The following GRIN2A variants were observed in gnomAD, a reference collection of about 807,000 sequenced individuals.
The protein encoded by GRIN2A is glutamate receptor ionotropic, NMDA 2A.
In GRIN2A, 22 loss-of-function variants were observed where a neutral mutation model predicts 113.4. The ratio of observed to expected loss-of-function variants is 0.19; its 90% CI spans 0.14 to 0.28. The LOEUF is 0.28. Ranked by LOEUF, GRIN2A falls within the 10% of genes least tolerant of loss-of-function variation. The pLI, the probability that GRIN2A is intolerant of heterozygous loss-of-function variation, is 1.00. For synonymous variants in GRIN2A, 827 were observed against 738.4 expected (o/e 1.12, Z -1.94); for missense variants, 1,502 against 1,887.0 (o/e 0.80, Z 3.78).
chr16:9,796,941 A>T (rs1482352717), intron 11 of GRIN2A, among the ~76,000 whole-genome samples: 2 of 152,252 alleles, frequency 1.3e-5, no homozygotes, highest in Admixed American at 1.3e-4. Flanking sequence ...CCCTATGGAG[A>T]ATTCAAAGAC....
At chr16:9,796,278 ATGT>A (rs1902976955) in intron 11 of GRIN2A, among the ~76,000 whole-genome samples, 1 of 152,192 alleles carries the variant, frequency 6.6e-6, no homozygotes, top group Non-Finnish European at 1.5e-5. Flanking sequence ...TCATCCATAC[ATGT>A]ATTTATTCAT....
At chr16:10,014,261 C>T (rs1292544583) in intron 2 of GRIN2A, among the ~76,000 whole-genome samples, 1 of 152,202 alleles carries the variant, frequency 6.6e-6, no homozygotes, top group Non-Finnish European at 1.5e-5. Context: ...CTCAACCTGG[C>T]ACTTGTAGAA....
intron 2 of GRIN2A, among the ~76,000 whole-genome samples, chr16:9,972,982 C>G (rs1057086982): frequency 5.3e-5 from 8 of 152,152 alleles, no homozygotes; most frequent in African/African-American, 9.6e-5. Flanking sequence ...GATTGGCTGT[C>G]TGGAGATGAA....
chr16:10,133,546 G>A (rs911891613), intron 2 of GRIN2A, among the ~76,000 whole-genome samples: 1 of 152,190 alleles, frequency 6.6e-6, no homozygotes, highest in Non-Finnish European at 1.5e-5. Context: ...GGTGGAGGTT[G>A]CAGTGAGCCA....
At chr16:10,110,684 T>C (rs1271345606) in intron 2 of GRIN2A, among the ~76,000 whole-genome samples, 1 of 152,214 alleles carries the variant, frequency 6.6e-6, no homozygotes, top group East Asian at 1.9e-4. Flanking sequence ...TCTGGATAAG[T>C]GATCATAAAT....
intron 2 of GRIN2A, among the ~76,000 whole-genome samples, chr16:10,045,051 T>C (rs1274625844): frequency 6.6e-6 from 1 of 152,216 alleles, no homozygotes; most frequent in Non-Finnish European, 1.5e-5. Context: ...AACCTGTGCC[T>C]GTTCAAAATA....
At chr16:9,936,805 C>G (rs2044723245) in intron 3 of GRIN2A, among the ~76,000 whole-genome samples, 1 of 151,970 alleles carries the variant, frequency 6.6e-6, no homozygotes, top group Non-Finnish European at 1.5e-5. Context: ...AAACAGAGAC[C>G]AGGAGCACTA....
chr16:9,960,063 G>A (rs964981625), intron 2 of GRIN2A, among the ~76,000 whole-genome samples: 1 of 152,234 alleles, frequency 6.6e-6, no homozygotes, highest in Non-Finnish European at 1.5e-5. Flanking sequence ...CAGAGATGAT[G>A]TGGCTTCCAG....
chr16:9,943,619 A>T (rs1023208922), intron 2 of GRIN2A, among the ~76,000 whole-genome samples: 3 of 152,194 alleles, frequency 2.0e-5, no homozygotes, highest in Admixed American at 6.5e-5. Context: ...GAGATAACGC[A>T]AGTGGCATAA....
At position 9,755,158 on chromosome 16, in the gene GRIN2A, T is replaced by A. The variant is rs1358814261; in HGVS notation, c.*7991A>T. On this transcript the variant is annotated 3_prime_UTR_variant, in exon 13 of 13. Coordinates refer to ENST00000330684, the MANE Select transcript of GRIN2A (RefSeq NM_001134407.3). The stretch of plus-strand genomic sequence containing the variant: ...TAAGTAAGAGAATTATGAGTGATAA[T>A]CTCAGTTTTGTCTTCTTCGTTTCTG... 1 of 194,312 alleles carries A rather than the reference T, an allele frequency of 5.1e-6. No homozygotes were observed. Among genetic ancestry groups the A allele is most frequent in the Non-Finnish European group, 1.1e-5 (1 of 93,254 alleles). The allele number at this position is 194,312 out of a possible 1,614,324, so 12.0% of individuals were successfully genotyped here. A position where few individuals can be genotyped will look rare whatever the true frequency, so the allele number is the denominator to read the frequency against.
intron 2 of GRIN2A, among the ~76,000 whole-genome samples, chr16:10,165,184 T>G (rs1199493071): frequency 1.3e-5 from 2 of 152,086 alleles, no homozygotes; most frequent in Non-Finnish European, 2.9e-5. Context: ...TCATGAGATA[T>G]CCACAGAATA....
intron 2 of GRIN2A, among the ~76,000 whole-genome samples, chr16:9,957,460 A>G (rs1336341660): frequency 6.6e-6 from 1 of 152,208 alleles, no homozygotes; most frequent in African/African-American, 2.4e-5. Flanking sequence ...TACCTTTAAT[A>G]AACTTTTTTC....
At chr16:9,937,581 T>C (rs1596343789) in intron 3 of GRIN2A, 1 of 258,346 alleles carries the variant, frequency 3.9e-6, no homozygotes, top group South Asian at 4.6e-5. Context: ...GATACCATGA[T>C]ATCATAGTGA....
intron 2 of GRIN2A, among the ~76,000 whole-genome samples, chr16:10,067,593 C>T (rs1242939288): frequency 6.6e-6 from 1 of 152,102 alleles, no homozygotes; most frequent in African/African-American, 2.4e-5. Context: ...CCAGGGAGGA[C>T]TGCGTGAAGA....
chr16:9,760,169 T>C lies in GRIN2A; in HGVS notation c.*2980A>G, dbSNP rs905670138. On this transcript the variant is annotated 3_prime_UTR_variant, in exon 13 of 13. Coordinates refer to ENST00000330684, the MANE Select transcript of GRIN2A (RefSeq NM_001134407.3). The stretch of plus-strand genomic sequence containing the variant: ...AATCTAAGAACTCAGAGCTGGGATA[T>C]GTTACGGGAATCTTCTGTGATAGAT... 1 of 226,322 alleles carries C rather than the reference T, an allele frequency of 4.4e-6. No homozygotes were observed. The highest frequency in any genetic ancestry group is 2.2e-5 in the African/African-American group (1 of 44,940). The allele number at this position is 226,322 out of a possible 1,614,324, so 14.0% of individuals were successfully genotyped here. A position where few individuals can be genotyped will look rare whatever the true frequency, so the allele number is the denominator to read the frequency against.
chr16:9,911,744 C>A (rs1454002709), intron 3 of GRIN2A, among the ~76,000 whole-genome samples: 1 of 152,146 alleles, frequency 6.6e-6, no homozygotes, highest in Non-Finnish European at 1.5e-5. Flanking sequence ...GGGAGAAGCA[C>A]ATGATTATAA....
At chr16:9,993,640 T>C (rs1770959106) in intron 2 of GRIN2A, among the ~76,000 whole-genome samples, 1 of 152,224 alleles carries the variant, frequency 6.6e-6, no homozygotes, top group Admixed American at 6.5e-5. Context: ...ATCTCTCCTG[T>C]GCAATGGGCA....
At chr16:10,086,404 G>A (rs1458428258) in intron 2 of GRIN2A, among the ~76,000 whole-genome samples, 1 of 152,024 alleles carries the variant, frequency 6.6e-6, no homozygotes, top group African/African-American at 2.4e-5. Context: ...TTCCCCTGAG[G>A]AGAGATTGTG....
intron 2 of GRIN2A, among the ~76,000 whole-genome samples, chr16:10,002,659 C>T (rs962080362): frequency 2.0e-5 from 3 of 152,170 alleles, no homozygotes; most frequent in Non-Finnish European, 4.4e-5. Flanking sequence ...GGGTTACCAC[C>T]TTATCCCAAG....
Sources: allele counts gnomAD v4.1 joint callset (sites outside exome capture counted in the v4.1 genomes callset), GRCh38; gene constraint gnomAD v4.1.1; transcripts MANE v1.5; gene names NCBI Gene and HGNC (gene_info 2026-07-23, HGNC 2026-07-21).